Variants in NOVA1 observed in about 807,000 individuals in gnomAD.
NOVA1 encodes NOVA alternative splicing regulator 1.
A neutral mutation model predicts 38.0 loss-of-function variants in NOVA1; 7 were observed. That is an observed-to-expected ratio of 0.18 (90% CI 0.10 to 0.35). NOVA1 has a LOEUF of 0.35. Among genes scored for constraint, NOVA1 ranks in the 10% least tolerant of loss-of-function variants. NOVA1 has a pLI of 1.00. For synonymous variants in NOVA1, 270 were observed against 232.5 expected (o/e 1.16, Z -1.47); for missense variants, 460 against 616.0 (o/e 0.75, Z 2.68).
chr14:26,505,170 T>C (rs1229578502), intron 2 of NOVA1, among the ~76,000 whole-genome samples: 1 of 152,176 alleles, frequency 6.6e-6, no homozygotes, highest in Non-Finnish European at 1.5e-5. Context: ...ACATGAACGC[T>C]GCACAATGTT....
At chr14:26,534,502 T>TA (rs1889936666) in intron 2 of NOVA1, among the ~76,000 whole-genome samples, 1 of 151,566 alleles carries the variant, frequency 6.6e-6, no homozygotes. Flanking sequence ...ACTATAAAAA[T>TA]AAAAAAACAT....
chr14:26,530,897 C>G (rs560805326), intron 2 of NOVA1, among the ~76,000 whole-genome samples: 3 of 152,058 alleles, frequency 2.0e-5, no homozygotes, highest in Admixed American at 2.0e-4. Flanking sequence ...TATAACAATA[C>G]GAATGACATT....
chr14:26,533,336 G>A (rs576274315), intron 2 of NOVA1, among the ~76,000 whole-genome samples: 11 of 152,246 alleles, frequency 7.2e-5, no homozygotes, highest in African/African-American at 2.2e-4. Context: ...TGGGTAAGTG[G>A]TTCCAGCATT....
intron 1 of NOVA1, 74 bp downstream of exon 1, chr14:26,597,227 G>A (rs1221726779): frequency 2.1e-5 from 24 of 1,131,482 alleles, no homozygotes; most frequent in Non-Finnish European, 2.7e-5. Flanking sequence ...AGGAGGGAGG[G>A]AGGACGGCGA....
chr14:26,505,642 A>G (rs1417775567), intron 2 of NOVA1, among the ~76,000 whole-genome samples: 2 of 152,214 alleles, frequency 1.3e-5, no homozygotes, highest in African/African-American at 4.8e-5. Context: ...TTAAAATAAT[A>G]CACATAATAC....
Position 26,448,560 on chromosome 14 carries a change from G to A in NOVA1, c.923C>T (p.Thr308Ile). The A allele has an allele frequency of 6.2e-7, 1 of 1,614,210 alleles. No homozygotes were observed. Among genetic ancestry groups the A allele is most frequent in the South Asian group, 1.1e-5 (1 of 91,082 alleles). The change falls in exon 5 of 5, where the codon ACA becomes ATA. Residue 308 changes from threonine (T) to isoleucine (I), a missense_variant. Thr to Ile is a moderately conservative substitution (Grantham distance 89). Coordinates refer to ENST00000539517, the MANE Select transcript of NOVA1 (RefSeq NM_002515.3). The surrounding 1 kb of genome is among the most constrained non-coding windows in gnomAD (Gnocchi z 5.3). ...GGTGATGGCCACCAGGTCATTGCCTGTGAAGCCAGATAAAACTGCTGGAAA... is the reference window on the plus strand; with the variant it reads ...GGTGATGGCCACCAGGTCATTGCCTATGAAGCCAGATAAAACTGCTGGAAA... Reference protein sequence around the residue: ...AAFPAVLSGFTGNDLVAITSA... With the variant: ...AAFPAVLSGFIGNDLVAITSA...
chr14:26,443,144 T>C lies in NOVA1; in HGVS notation c.*4815A>G, dbSNP rs1047776928. Reference sequence around the variant, plus strand: ...TAGAGAAACAAATACAAATATGCATTTCTACAGAACTGTTTTAATTTTCCA... The same window carrying C: ...TAGAGAAACAAATACAAATATGCATCTCTACAGAACTGTTTTAATTTTCCA... On this transcript the variant is annotated 3_prime_UTR_variant, in exon 5 of 5. Transcript: ENST00000539517. The C allele has an allele frequency of 1.3e-5, 2 of 152,072 alleles. No homozygotes were observed. The highest frequency in any genetic ancestry group is 2.4e-5 in the African/African-American group (1 of 41,450). 9.4% of individuals were successfully genotyped at this position (152,072 alleles called of 1,614,324 possible).
At chr14:26,486,696 CAAAAAA>C (rs59078775) in intron 2 of NOVA1, among the ~76,000 whole-genome samples, 66 of 23,100 alleles carry the variant, frequency 2.9e-3, no homozygotes, top group Admixed American at 4.9e-3. Flanking sequence ...GTGACAGACT[CAAAAAA>C]AAAAAAAAAA....
At chr14:26,573,905 C>T (rs984010627) in intron 2 of NOVA1, among the ~76,000 whole-genome samples, 4 of 152,012 alleles carry the variant, frequency 2.6e-5, no homozygotes, top group Non-Finnish European at 4.4e-5. Flanking sequence ...TCTAAGGATG[C>T]TCAGCAACCC....
At chr14:26,596,959 A>ATCC in intron 1 of NOVA1, 12 of 1,211,098 alleles carry the variant, frequency 9.9e-6, no homozygotes, top group Middle Eastern at 6.9e-4. Flanking sequence ...CTCCGGGGTC[A>ATCC]TCCTCCTCCT....
chr14:26,482,988 G>A (rs1044939253), intron 2 of NOVA1, among the ~76,000 whole-genome samples: 7 of 152,030 alleles, frequency 4.6e-5, no homozygotes, highest in African/African-American at 7.3e-5. Context: ...GAGCCACCAC[G>A]CCCGGCTTAA....
intron 2 of NOVA1, among the ~76,000 whole-genome samples, chr14:26,537,750 G>A (rs1030843474): frequency 6.6e-6 from 1 of 152,146 alleles, no homozygotes; most frequent in Non-Finnish European, 1.5e-5. Flanking sequence ...TAATAAATAA[G>A]TTCAGACAGT....
chr14:26,488,413 T>C (rs1566470532), intron 2 of NOVA1, among the ~76,000 whole-genome samples: 4 of 152,190 alleles, frequency 2.6e-5, no homozygotes, highest in Admixed American at 6.5e-5. Flanking sequence ...GAATACTAAT[T>C]TACTTAACTA....
rs1218630098 is a variant in NOVA1 at position 26,510,215 on chromosome 14, CACAAGAAATATAAGCTAAGCACAT to C, written c.281-30096_281-30073del. On this transcript the variant is annotated intron_variant, in intron 2 of 4. Transcript: ENST00000539517. ...TATTGACTTCCTTCTATACAGCACA[CACAAGAAATATAAGCTAAGCACAT>C]AATGGCCCCTGCCTTCAAGTAGCTC... Among the ~76,000 whole-genome samples the C allele has an allele frequency of 2.0e-5, 3 of 152,242 alleles. No individual in the cohort carries two copies. The East Asian group carries it at 5.8e-4, about 29-fold the overall frequency.
intron 2 of NOVA1, among the ~76,000 whole-genome samples, chr14:26,501,381 G>C (rs973825046): frequency 1.3e-5 from 2 of 151,790 alleles, no homozygotes; most frequent in African/African-American, 2.4e-5. Context: ...ATGTGGATTC[G>C]ACTGCCTATG....
chr14:26,470,252 G>T, intron 4 of NOVA1: 1 of 1,218,486 alleles, frequency 8.2e-7, no homozygotes. Context: ...ATATAAGTCA[G>T]TATAGCAAAG....
At chr14:26,554,836 C>G (rs951338356) in intron 2 of NOVA1, among the ~76,000 whole-genome samples, 3 of 152,110 alleles carry the variant, frequency 2.0e-5, no homozygotes, top group African/African-American at 7.2e-5. Flanking sequence ...TAGGAACAAC[C>G]AGCAATTACC....
intron 4 of NOVA1, among the ~76,000 whole-genome samples, chr14:26,449,822 G>A (rs1467868200): frequency 6.6e-6 from 1 of 151,996 alleles, no homozygotes; most frequent in Non-Finnish European, 1.5e-5. Context: ...TTACTGCAGT[G>A]ACATGAATAT....
At chr14:26,495,641 A>G (rs1418663489) in intron 2 of NOVA1, among the ~76,000 whole-genome samples, 1 of 115,906 alleles carries the variant, frequency 8.6e-6, no homozygotes, top group Non-Finnish European at 1.8e-5. Context: ...TGCTATCCCT[A>G]CCCCCTCCCC....
Sources: gnomAD v4.1 joint callset for allele counts (sites outside exome capture counted in the v4.1 genomes callset) on GRCh38, gnomAD v4.1.1 for gene constraint, Gnocchi (gnomAD v3.1) non-coding constraint, MANE v1.5 for transcripts, NCBI Gene and HGNC (gene_info 2026-07-23, HGNC 2026-07-21) for gene names.